LDLRAD4: variants seen among roughly 807,000 people sequenced by gnomAD.
LDLRAD4 encodes low-density lipoprotein receptor class A domain-containing protein 4.
A neutral mutation model predicts 17.0 loss-of-function variants in LDLRAD4; 5 were observed. The observed-to-expected ratio is 0.29, with a 90% CI of 0.15 to 0.62. The LOEUF (loss-of-function observed/expected upper bound fraction) is 0.62. Ranked by LOEUF, LDLRAD4 falls within the 20% of genes least tolerant of loss-of-function variation. The pLI, the probability that LDLRAD4 is intolerant of heterozygous loss-of-function variation, is 0.84. For synonymous variants in LDLRAD4, 168 were observed against 171.8 expected (o/e 0.98, Z 0.17); for missense variants, 340 against 424.7 (o/e 0.80, Z 1.75).
At chr18:13,509,936 G>A (rs2093751509) in intron 3 of LDLRAD4, among the ~76,000 whole-genome samples, 1 of 152,208 alleles carries the variant, frequency 6.6e-6, no homozygotes, top group African/African-American at 2.4e-5. Flanking sequence ...GCAATGAAGT[G>A]TCTTTGATTT....
chr18:13,593,478 AGG>A (rs2095053479), intron 3 of LDLRAD4, among the ~76,000 whole-genome samples: 1 of 152,204 alleles, frequency 6.6e-6, no homozygotes, highest in Non-Finnish European at 1.5e-5. Context: ...GTCTGAACCT[AGG>A]AGTGTTTGAC....
chr18:13,430,954 A>G (rs1486642782), intron 2 of LDLRAD4, among the ~76,000 whole-genome samples: 2 of 152,218 alleles, frequency 1.3e-5, no homozygotes, highest in East Asian at 3.9e-4. Context: ...CTGAAGTACC[A>G]TTGATCCTCA....
intron 3 of LDLRAD4, among the ~76,000 whole-genome samples, chr18:13,580,637 C>T (rs1458011597): frequency 1.3e-5 from 2 of 152,124 alleles, no homozygotes; most frequent in African/African-American, 4.8e-5. Context: ...CACAGGGTGG[C>T]CATCCTGGTC....
chr18:13,374,469 G>C (rs193130297), intron 1 of LDLRAD4, among the ~76,000 whole-genome samples: 69 of 152,366 alleles, frequency 4.5e-4, no homozygotes, highest in African/African-American at 1.7e-3. Context: ...CTGGGAGCTG[G>C]TTGGAAATGC....
chr18:13,605,797 C>T (rs1341211210), intron 3 of LDLRAD4, among the ~76,000 whole-genome samples: 4 of 152,268 alleles, frequency 2.6e-5, no homozygotes, highest in South Asian at 2.1e-4. Flanking sequence ...CACATGTCCT[C>T]GTGGTGGTAT....
chr18:13,572,599 G>A (rs1046310484), intron 3 of LDLRAD4, among the ~76,000 whole-genome samples: 1 of 152,200 alleles, frequency 6.6e-6, no homozygotes, highest in Non-Finnish European at 1.5e-5. Flanking sequence ...AGCAGGGAAG[G>A]GAAGAGTCAG....
At chr18:13,564,579 C>CT (rs2094575195) in intron 3 of LDLRAD4, among the ~76,000 whole-genome samples, 3 of 50,318 alleles carry the variant, frequency 6.0e-5, no homozygotes, top group Non-Finnish European at 1.1e-4. Flanking sequence ...TTCCCATTTT[C>CT]TAAAAAAAAA....
At chr18:13,222,181 C>T (rs1378059727) in intron 1 of LDLRAD4, among the ~76,000 whole-genome samples, 4 of 152,260 alleles carry the variant, frequency 2.6e-5, no homozygotes, top group Middle Eastern at 3.4e-3. Flanking sequence ...TCTCCTACAA[C>T]GTCACTCCCC....
intron 1 of LDLRAD4, among the ~76,000 whole-genome samples, chr18:13,296,712 TA>T (rs966143714): frequency 4.6e-5 from 7 of 152,166 alleles, no homozygotes; most frequent in African/African-American, 1.7e-4. Flanking sequence ...TAAAGCATTT[TA>T]AAATAATAAA....
chr18:13,627,307 A>G (rs1442462262), intron 4 of LDLRAD4, among the ~76,000 whole-genome samples: 1 of 152,160 alleles, frequency 6.6e-6, no homozygotes, highest in Non-Finnish European at 1.5e-5. Flanking sequence ...TCACATGAAA[A>G]TTGGAGTTTC....
chr18:13,645,410 G>T lies in LDLRAD4; in HGVS notation c.674G>T (p.Ser225Ile), dbSNP rs1435698179. ...GATTTAATAGACATTGCTATGTATA[G>T]CGGGGGTCCATGCCCACCCAGCAGC... The change falls in exon 6 of 6, where the codon AGC becomes ATC. Residue 225 changes from serine (S) to isoleucine (I), a missense_variant. Ser to Ile is a moderately radical substitution (Grantham distance 142). Coordinates refer to ENST00000359446, the Ensembl canonical transcript of LDLRAD4. The surrounding 1 kb of genome is among the most constrained non-coding windows in gnomAD (Gnocchi z 5.7). 6.2e-7 allele frequency: 1 copy of T among 1,614,164 alleles called. No homozygotes were observed. The highest frequency in any genetic ancestry group is 1.7e-5 in the Admixed American group (1 of 60,030).
chr18:13,394,533 C>T (rs372673676), intron 2 of LDLRAD4, among the ~76,000 whole-genome samples: 3 of 152,138 alleles, frequency 2.0e-5, no homozygotes, highest in Admixed American at 6.5e-5. Flanking sequence ...AAGTCAGAAA[C>T]ATTCCAATTA....
chr18:13,593,665 G>A (rs9946090), intron 3 of LDLRAD4, among the ~76,000 whole-genome samples: 6 of 151,940 alleles, frequency 3.9e-5, no homozygotes, highest in Non-Finnish European at 7.4e-5. Context: ...GCTATATGGC[G>A]CAGGCTGGCC....
intron 2 of LDLRAD4, among the ~76,000 whole-genome samples, chr18:13,395,898 C>T (rs983720759): frequency 1.3e-5 from 2 of 152,146 alleles, no homozygotes; most frequent in African/African-American, 2.4e-5. Flanking sequence ...TTTAGCTGAA[C>T]TTCAGCCCTG....
intron 3 of LDLRAD4, among the ~76,000 whole-genome samples, chr18:13,454,210 A>G (rs2091999545): frequency 6.6e-6 from 1 of 152,212 alleles, no homozygotes. Flanking sequence ...TAGCAATGAT[A>G]ACAGGGTGCA....
At chr18:13,339,533 A>G (rs1230052015) in intron 1 of LDLRAD4, among the ~76,000 whole-genome samples, 1 of 152,206 alleles carries the variant, frequency 6.6e-6, no homozygotes, top group Non-Finnish European at 1.5e-5. Context: ...TCCTTTTCAT[A>G]TGTAAAGACA....
intron 3 of LDLRAD4, chr18:13,472,000 G>A (rs758517355): frequency 2.0e-5 from 3 of 152,234 alleles, no homozygotes; most frequent in Non-Finnish European, 2.9e-5. Flanking sequence ...TCCACCTTCT[G>A]TGCAGAGAAA....
intron 2 of LDLRAD4, chr18:13,420,662 T>C (rs1380135744): frequency 6.6e-6 from 1 of 152,268 alleles, no homozygotes; most frequent in Non-Finnish European, 1.5e-5. Flanking sequence ...TTTATCCTGC[T>C]GGAAGAAGTT....
At position 13,645,710 on chromosome 18, in the gene LDLRAD4, C is replaced by G. The variant is rs543919924; in HGVS notation, c.*53C>G. The G allele has an allele frequency of 5.7e-6, 8 of 1,395,178 alleles. No homozygotes were observed. Among genetic ancestry groups the G allele is most frequent in the African/African-American group, 1.4e-5 (1 of 69,426 alleles). 86.4% of individuals were successfully genotyped at this position (1,395,178 alleles called of 1,614,324 possible). A position where few individuals can be genotyped will look rare whatever the true frequency, so the allele number is the denominator to read the frequency against. ...GAAAGAAACCAAGAAGGGAAGCGGC[C>G]GCTGGGCCCCTCCTGCGCACAGTGT... On this transcript the variant is annotated 3_prime_UTR_variant, in exon 6 of 6. Coordinates refer to ENST00000359446, the Ensembl canonical transcript of LDLRAD4. This position sits in a 1 kb window ranked among gnomAD's most constrained non-coding sequence, Gnocchi z 5.7.
Sources: gnomAD v4.1 joint callset for allele counts (sites outside exome capture counted in the v4.1 genomes callset) on GRCh38, gnomAD v4.1.1 for gene constraint, Gnocchi (gnomAD v3.1) non-coding constraint, MANE v1.5 for transcripts, NCBI Gene and HGNC (gene_info 2026-07-23, HGNC 2026-07-21) for gene names.